The following CYFIP1 variants were observed in gnomAD, a reference collection of about 807,000 sequenced individuals.
CYFIP1 encodes cytoplasmic FMR1 interacting protein 1, also known as cytoplasmic FMR1-interacting protein 1.
A neutral mutation model predicts 163.5 loss-of-function variants in CYFIP1; 58 were observed. The observed-to-expected ratio is 0.35, with a 90% confidence interval of 0.29 to 0.44. The LOEUF is 0.44. Ranked by LOEUF, CYFIP1 falls within the 20% of genes least tolerant of loss-of-function variation. The pLI is 1.00. For missense variants in CYFIP1, 1,338 were observed against 1,653.8 expected, an observed-to-expected ratio of 0.81 and a Z score of 3.31; for synonymous variants, 663 against 660.7, an observed-to-expected ratio of 1.00 and a Z score of -0.05.
chr15:22,910,558 T>C lies in CYFIP1; in HGVS notation c.2230A>G (p.Asn744Asp). Reference sequence around the variant, plus strand: ...TGCTTCAGCAGCGTCTCGTAGCGGTTAGACGGCGGGAGGTGGATCGTGGCT... The same window carrying C: ...TGCTTCAGCAGCGTCTCGTAGCGGTCAGACGGCGGGAGGTGGATCGTGGCT... ...QGATIHLPPSNRYETLLKQRH... is the reference protein window; with the variant it reads ...QGATIHLPPSDRYETLLKQRH... The change falls in exon 20 of 31, where the codon AAC (asparagine) becomes GAC (aspartate). Residue 744 changes from asparagine (N) to aspartate (D), a missense_variant. Physicochemically the swap from Asn to Asp is conservative, Grantham distance 23. Around this residue, in one of 4 missense-constraint regions of CYFIP1, gnomAD observed 824 missense variants for 995.7 expected, o/e 0.83. Transcript: ENST00000617928. The C allele has an allele frequency of 6.2e-7, 1 of 1,614,178 alleles. No homozygotes were observed. Among genetic ancestry groups the C allele is most frequent in the Non-Finnish European group, 8.5e-7 (1 of 1,179,992 alleles).
intron 1 of CYFIP1, among the ~76,000 whole-genome samples, chr15:22,972,057 T>C (rs1248833626): frequency 6.6e-6 from 1 of 152,174 alleles, no homozygotes. Flanking sequence ...CTAAAATTTG[T>C]GTGGAACCAC....
At chr15:22,887,946 G>C (rs982674767) in intron 23 of CYFIP1, among the ~76,000 whole-genome samples, 2 of 152,162 alleles carry the variant, frequency 1.3e-5, no homozygotes, top group Admixed American at 6.5e-5. Context: ...GGACTCGCCA[G>C]TCGTGCAACT....
chr15:22,972,622 A>G (rs2063140249), intron 1 of CYFIP1, among the ~76,000 whole-genome samples: 1 of 152,220 alleles, frequency 6.6e-6, no homozygotes, highest in African/African-American at 2.4e-5. Context: ...TAGGTTCTTC[A>G]ATAAACGGTG....
chr15:22,975,908 A>G (rs11631163), intron 1 of CYFIP1, among the ~76,000 whole-genome samples: 8,066 of 152,204 alleles, frequency 0.053, 249 homozygotes, highest in Middle Eastern at 0.071. Flanking sequence ...TTTGTTTAAA[A>G]TTTTTGTTTT....
intron 30 of CYFIP1, among the ~76,000 whole-genome samples, chr15:22,872,308 AAAGAAAG>A (rs1400789987): frequency 5.3e-5 from 8 of 150,322 alleles, no homozygotes; most frequent in African/African-American, 2.0e-4. Context: ...AAAAAAAAAA[AAAGAAAG>A]AAAAAAGAAA....
chr15:22,946,438 C>T (rs966474209), intron 3 of CYFIP1, among the ~76,000 whole-genome samples: 2 of 151,976 alleles, frequency 1.3e-5, no homozygotes, highest in African/African-American at 2.4e-5. Context: ...GTCAGGAATT[C>T]GAGACCAGCC....
At position 22,869,046 on chromosome 15, in the gene CYFIP1, T is replaced by G. The variant is rs1566901493; in HGVS notation, c.*982A>C. The G allele has an allele frequency of 1.3e-5, 2 of 152,212 alleles. No homozygotes were observed. The highest frequency in any genetic ancestry group is 2.9e-5 in the Non-Finnish European group (2 of 68,034). The allele number at this position is 152,212 out of a possible 1,614,324, so 9.4% of individuals were successfully genotyped here. On this transcript the variant is annotated 3_prime_UTR_variant, in exon 31 of 31. Transcript: ENST00000617928. ...GTAGTCTAGACCGATTGTTTTTCATTCTGACAGATCATGTGAACCAGCTCC... is the reference window on the plus strand; with the variant it reads ...GTAGTCTAGACCGATTGTTTTTCATGCTGACAGATCATGTGAACCAGCTCC...
At chr15:22,908,139 G>GA (rs1167476371) in intron 21 of CYFIP1, among the ~76,000 whole-genome samples, 1 of 152,210 alleles carries the variant, frequency 6.6e-6, no homozygotes, top group Non-Finnish European at 1.5e-5. Context: ...ATGGCAGACA[G>GA]AAGGTAGGAC....
At chr15:22,971,961 T>A (rs1450878353) in intron 1 of CYFIP1, among the ~76,000 whole-genome samples, 2 of 152,116 alleles carry the variant, frequency 1.3e-5, no homozygotes, top group African/African-American at 4.8e-5. Context: ...TTCAAAGCAA[T>A]CTACAGATTC....
At chr15:22,938,948 A>C (rs1412717955) in intron 8 of CYFIP1, among the ~76,000 whole-genome samples, 1 of 120,648 alleles carries the variant, frequency 8.3e-6, no homozygotes, top group Non-Finnish European at 1.7e-5. Context: ...AAAAAAAAAA[A>C]GCTGAGAATC....
intron 28 of CYFIP1, among the ~76,000 whole-genome samples, chr15:22,874,261 T>A (rs1032482274): frequency 6.6e-6 from 1 of 152,214 alleles, no homozygotes; most frequent in Middle Eastern, 3.2e-3. Context: ...CTTAAACACC[T>A]ATGGGAAAGC....
intron 13 of CYFIP1, among the ~76,000 whole-genome samples, chr15:22,919,819 C>A (rs146613351): frequency 1.4e-4 from 22 of 152,110 alleles, no homozygotes; most frequent in African/African-American, 5.3e-4. Flanking sequence ...GACCAGAGTT[C>A]AAGATCAGCC....
intron 1 of CYFIP1, among the ~76,000 whole-genome samples, chr15:22,951,749 C>T (rs1017024070): frequency 5.3e-5 from 8 of 152,208 alleles, no homozygotes; most frequent in Non-Finnish European, 1.0e-4. Context: ...CCTTCCTCCC[C>T]GGCCTCTGCC....
chr15:22,893,040 A>G, intron 22 of CYFIP1, 63 bp from the exon 23 acceptor site: 1 of 1,237,940 alleles, frequency 8.1e-7, no homozygotes, highest in Non-Finnish European at 1.2e-6. Flanking sequence ...TTTAAAATTC[A>G]GAAGTCCTCC....
chr15:22,891,492 C>T (rs556507571), intron 23 of CYFIP1, among the ~76,000 whole-genome samples: 7 of 152,374 alleles, frequency 4.6e-5, no homozygotes, highest in Admixed American at 1.3e-4. Context: ...CCTTGGTCCA[C>T]GTGGGCCCCG....
At chr15:22,881,812 G>A (rs756688943) in intron 25 of CYFIP1, 34 bp downstream of exon 25, 21 of 1,593,718 alleles carry the variant, frequency 1.3e-5, no homozygotes, top group Non-Finnish European at 1.8e-5. Flanking sequence ...CCTCTCCACA[G>A]ACAGCACTGT....
chr15:22,942,520 A>G (rs78416985), intron 6 of CYFIP1, among the ~76,000 whole-genome samples: 1 of 151,184 alleles, frequency 6.6e-6, no homozygotes, highest in African/African-American at 2.5e-5. Context: ...CCAAATGCCC[A>G]TCGGCCACCC....
intron 30 of CYFIP1, among the ~76,000 whole-genome samples, chr15:22,872,055 G>A (rs1255291760): frequency 2.0e-5 from 3 of 152,074 alleles, no homozygotes; most frequent in Non-Finnish European, 4.4e-5. Context: ...GGAGGTGGGC[G>A]GATCACCTTA....
At chr15:22,957,975 T>C (rs1487485751) in intron 1 of CYFIP1, among the ~76,000 whole-genome samples, 1 of 152,184 alleles carries the variant, frequency 6.6e-6, no homozygotes, top group East Asian at 1.9e-4. Flanking sequence ...TTCCCCAGGT[T>C]AAACGGCCTG....
Sources: allele counts gnomAD v4.1 joint callset (sites outside exome capture counted in the v4.1 genomes callset), GRCh38; gene constraint gnomAD v4.1.1; regional missense constraint gnomAD v4.1.1; transcripts MANE v1.5; gene names NCBI Gene and HGNC (gene_info 2026-07-23, HGNC 2026-07-21).